The following PCDH15 variants were observed in gnomAD, a reference collection of about 807,000 sequenced individuals.
The protein encoded by PCDH15 is protocadherin related 15.
PCDH15 carries 129 observed loss-of-function variants against 178.5 expected under a neutral mutation model. The ratio of observed to expected loss-of-function variants is 0.72; its 90% CI spans 0.63 to 0.84. PCDH15 has a LOEUF of 0.84. PCDH15 is among the 40% of genes least tolerant of loss of function. PCDH15 has a pLI of 0.00. For synonymous variants in PCDH15, 800 were observed against 732.0 expected (o/e 1.09, Z -1.50); for missense variants, 2,230 against 2,099.9 (o/e 1.06, Z -1.21).
chr10:55,241,439 C>T (rs1841539135), intron 1 of PCDH15, among the ~76,000 whole-genome samples: 1 of 152,020 alleles, frequency 6.6e-6, no homozygotes, highest in South Asian at 2.1e-4. Context: ...AATGCCCTTT[C>T]TTTTCTTTCT....
intron 2 of PCDH15, among the ~76,000 whole-genome samples, chr10:55,355,770 G>A (rs1044203647): frequency 1.3e-5 from 2 of 151,798 alleles, no homozygotes; most frequent in Non-Finnish European, 2.9e-5. Flanking sequence ...ACTGGTGAAA[G>A]ATTTAAATTA....
chr10:55,380,445 T>C (rs1837506490), intron 2 of PCDH15, among the ~76,000 whole-genome samples: 1 of 152,188 alleles, frequency 6.6e-6, no homozygotes. Context: ...GCTTTTGTTC[T>C]GTCACTTTTT....
chr10:54,310,463 T>C (rs1209808497), intron 8 of PCDH15, among the ~76,000 whole-genome samples: 1 of 151,948 alleles, frequency 6.6e-6, no homozygotes, highest in Non-Finnish European at 1.5e-5. Flanking sequence ...TGGAGATTGA[T>C]TGAGTTTGGA....
intron 1 of PCDH15, among the ~76,000 whole-genome samples, chr10:55,209,318 A>G (rs1467454471): frequency 6.6e-6 from 1 of 152,182 alleles, no homozygotes; most frequent in Non-Finnish European, 1.5e-5. Flanking sequence ...GAGCAATGAA[A>G]AGACATCAGA....
At chr10:54,936,978 T>C (rs966636878) in intron 2 of PCDH15, among the ~76,000 whole-genome samples, 4 of 152,022 alleles carry the variant, frequency 2.6e-5, no homozygotes, top group African/African-American at 9.7e-5. Flanking sequence ...TGGTTTTATT[T>C]CTTACGTTGA....
intron 5 of PCDH15, among the ~76,000 whole-genome samples, chr10:54,359,808 T>C (rs1258790083): frequency 1.3e-5 from 2 of 148,680 alleles, no homozygotes; most frequent in Non-Finnish European, 2.9e-5. Context: ...GTCATTCCTT[T>C]AAAATTTCAA....
At chr10:54,840,383 C>A (rs1953397640) in intron 3 of PCDH15, among the ~76,000 whole-genome samples, 1 of 151,550 alleles carries the variant, frequency 6.6e-6, no homozygotes, top group Non-Finnish European at 1.5e-5. Flanking sequence ...AGAATACATA[C>A]CTATAACTAT....
At chr10:54,023,545 A>G (rs2092992503) in intron 18 of PCDH15, among the ~76,000 whole-genome samples, 1 of 148,126 alleles carries the variant, frequency 6.8e-6, no homozygotes, top group Admixed American at 6.8e-5. Context: ...ATTTAACATA[A>G]TCTGCCGAGT....
chr10:53,825,114 TAG>T, intron 32 of PCDH15: 1 of 1,535,342 alleles, frequency 6.5e-7, no homozygotes. Context: ...GCTCTTCTAT[TAG>T]AGTGATATTA....
chr10:55,491,287 A>C (rs978682177), intron 2 of PCDH15, among the ~76,000 whole-genome samples: 1 of 151,572 alleles, frequency 6.6e-6, no homozygotes, highest in African/African-American at 2.4e-5. Flanking sequence ...CCACCTCTAG[A>C]CTCAGTTGCA....
chr10:55,008,975 C>A (rs1429357035), intron 2 of PCDH15, among the ~76,000 whole-genome samples: 2 of 151,954 alleles, frequency 1.3e-5, no homozygotes, highest in Non-Finnish European at 2.9e-5. Flanking sequence ...AACCTTAGAT[C>A]CTCCATACTC....
At chr10:55,208,021 C>T (rs964530503) in intron 1 of PCDH15, among the ~76,000 whole-genome samples, 1 of 152,034 alleles carries the variant, frequency 6.6e-6, no homozygotes, top group Non-Finnish European at 1.5e-5. Context: ...ATATTTTTAA[C>T]TCATGGGATT....
intron 2 of PCDH15, chr10:55,599,827 G>C: frequency 1.1e-6 from 1 of 908,670 alleles, no homozygotes; most frequent in Non-Finnish European, 1.6e-6. Flanking sequence ...AGTGACATAT[G>C]TTTAAGGGTT....
At chr10:54,062,770 C>A (rs865876345) in intron 18 of PCDH15, among the ~76,000 whole-genome samples, 12 of 70,154 alleles carry the variant, frequency 1.7e-4, no homozygotes, top group African/African-American at 6.7e-4. Flanking sequence ...CTAGGAAAAG[C>A]GGGAAAAAAA....
intron 2 of PCDH15, among the ~76,000 whole-genome samples, chr10:54,546,289 A>G (rs2085846716): frequency 6.6e-6 from 1 of 152,214 alleles, no homozygotes; most frequent in Non-Finnish European, 1.5e-5. Context: ...TCATGTTGTT[A>G]AATAAATTTT....
rs375352256 is a variant in PCDH15 at position 53,861,636 on chromosome 10, C to T, written c.3718-4373G>A. On this transcript the variant is annotated intron_variant, in intron 27 of 37. Transcript: ENST00000644397. ...AAAAATAATAAGATTAATTCAATAA[C>T]ACATTTAACCCAATATGTTTAATAT... 5.3e-5 allele frequency among the ~76,000 whole-genome samples: 8 copies of T among 152,270 alleles called. No homozygotes were observed. The East Asian group carries it at 1.5e-3, about 29-fold the overall frequency.
intron 32 of PCDH15, chr10:53,823,206 AGTTTGTTGCTCTT>A: frequency 6.2e-7 from 1 of 1,614,044 alleles, no homozygotes. Context: ...TGCAGACTTC[AGTTTGTTGCTCTT>A]AAGTGATCCG....
chr10:55,071,851 A>G (rs1841755325), intron 2 of PCDH15, among the ~76,000 whole-genome samples: 1 of 152,176 alleles, frequency 6.6e-6, no homozygotes, highest in Admixed American at 6.6e-5. Flanking sequence ...TTGGAAGTAA[A>G]GCTCTCCTCA....
chr10:54,395,329 C>T (rs1215647578), intron 3 of PCDH15, among the ~76,000 whole-genome samples: 1 of 151,814 alleles, frequency 6.6e-6, no homozygotes, highest in Non-Finnish European at 1.5e-5. Context: ...GCAGGTCCCT[C>T]CGTTTGGGGT....
Sources: gnomAD v4.1 joint callset for allele counts (sites outside exome capture counted in the v4.1 genomes callset) on GRCh38, gnomAD v4.1.1 for gene constraint, MANE v1.5 for transcripts, NCBI Gene and HGNC (gene_info 2026-07-23, HGNC 2026-07-21) for gene names.